HPSE2: variants seen among roughly 807,000 people sequenced by gnomAD.
The protein encoded by HPSE2 is heparanase 2 (inactive).
A neutral mutation model predicts 60.5 loss-of-function variants in HPSE2; 38 were observed. That is an observed-to-expected ratio of 0.63 (90% CI 0.48 to 0.82). The LOEUF (loss-of-function observed/expected upper bound fraction) is 0.82. HPSE2 is among the 40% of genes least tolerant of loss of function. HPSE2 has a pLI of 0.00. For missense variants in HPSE2, 713 were observed against 740.4 expected, an observed-to-expected ratio of 0.96 and a Z score of 0.43; for synonymous variants, 295 against 293.2, an observed-to-expected ratio of 1.01 and a Z score of -0.06.
At chr10:99,313,474 G>A in the HPSE2 span, among the ~76,000 whole-genome samples, 1 of 151,452 alleles carries the variant, frequency 6.6e-6, no homozygotes, top group African/African-American at 2.4e-5. Flanking sequence ...TATTTCTTGA[G>A]ATGAAATCTA....
At chr10:99,069,434 T>C (rs1342576) in intron 3 of HPSE2, among the ~76,000 whole-genome samples, 74,561 of 151,790 alleles carry the variant, frequency 0.49, 20,772 homozygotes, top group East Asian at 0.65. Context: ...AATTACTGTA[T>C]AGATTTTGGA....
intron 3 of HPSE2, among the ~76,000 whole-genome samples, chr10:98,984,584 C>T (rs938109760): frequency 3.3e-5 from 5 of 152,130 alleles, no homozygotes; most frequent in African/African-American, 1.2e-4. Flanking sequence ...AATCAGAGTG[C>T]CTCTCCTCCT....
intron 4 of HPSE2, among the ~76,000 whole-genome samples, chr10:98,726,039 A>G (rs542735335): frequency 3.4e-4 from 51 of 152,194 alleles, no homozygotes; most frequent in Non-Finnish European, 5.3e-4. Flanking sequence ...CATTGGTGGG[A>G]CTGTAAACTA....
At chr10:98,858,900 A>G (rs763459570) in intron 3 of HPSE2, among the ~76,000 whole-genome samples, 1 of 152,176 alleles carries the variant, frequency 6.6e-6, no homozygotes, top group Non-Finnish European at 1.5e-5. Context: ...TCCACATGCT[A>G]ACTCCAGCCT....
chr10:99,118,571 T>G (rs1844807456), intron 3 of HPSE2, among the ~76,000 whole-genome samples: 1 of 148,476 alleles, frequency 6.7e-6, no homozygotes, highest in Non-Finnish European at 1.5e-5. Context: ...GAGCCATCTA[T>G]GACAAACCCA....
chr10:98,688,555 A>T (rs12360135), intron 6 of HPSE2, among the ~76,000 whole-genome samples: 78,179 of 144,424 alleles, frequency 0.54, 22,454 homozygotes, highest in South Asian at 0.78. Context: ...GGCTAACTGC[A>T]ACCTCCGCCT....
chr10:98,923,018 G>C (rs1487419470), intron 3 of HPSE2, among the ~76,000 whole-genome samples: 1 of 152,102 alleles, frequency 6.6e-6, no homozygotes, highest in African/African-American at 2.4e-5. Flanking sequence ...ATGATATCTT[G>C]TTGCTCAATA....
chr10:98,752,746 T>A (rs1209840774), intron 3 of HPSE2, among the ~76,000 whole-genome samples: 1 of 152,146 alleles, frequency 6.6e-6, no homozygotes. Context: ...CACTCCCATG[T>A]TTATCACAGC....
the HPSE2 span, among the ~76,000 whole-genome samples, chr10:99,256,729 G>A: frequency 6.6e-6 from 1 of 152,302 alleles, no homozygotes; most frequent in Non-Finnish European, 1.5e-5. Context: ...CTACTAAGAA[G>A]CTACTAGAAC....
intron 2 of HPSE2, among the ~76,000 whole-genome samples, chr10:99,191,113 T>C (rs1232133286): frequency 6.6e-6 from 1 of 151,954 alleles, no homozygotes; most frequent in African/African-American, 2.4e-5. Flanking sequence ...AGCAGTGGAA[T>C]AGAGTACCAA....
chr10:99,005,649 A>C (rs1417607616), intron 3 of HPSE2, among the ~76,000 whole-genome samples: 1 of 152,112 alleles, frequency 6.6e-6, no homozygotes, highest in Non-Finnish European at 1.5e-5. Context: ...GGCAGTTCAT[A>C]ATCTCTATTT....
intron 3 of HPSE2, among the ~76,000 whole-genome samples, chr10:99,038,772 T>C (rs1957668222): frequency 1.3e-5 from 2 of 152,154 alleles, no homozygotes; most frequent in South Asian, 4.1e-4. Context: ...TCTATTATCT[T>C]TGCAACTTCC....
chr10:99,305,953 T>TCGCG, the HPSE2 span, among the ~76,000 whole-genome samples: 538 of 24,630 alleles, frequency 0.022, 2 homozygotes, highest in African/African-American at 0.074. Context: ...ATATCCAAAC[T>TCGCG]CACACACACG....
chr10:99,004,065 T>C (rs1365543842), intron 3 of HPSE2, among the ~76,000 whole-genome samples: 1 of 152,096 alleles, frequency 6.6e-6, no homozygotes, highest in African/African-American at 2.4e-5. Flanking sequence ...ACCCTGCTCT[T>C]TTCCATTTGT....
At chr10:99,028,922 G>C (rs1232467584) in intron 3 of HPSE2, among the ~76,000 whole-genome samples, 1 of 152,180 alleles carries the variant, frequency 6.6e-6, no homozygotes, top group Non-Finnish European at 1.5e-5. Flanking sequence ...TGAGAAAAGT[G>C]AATGTCCATA....
chr10:99,223,136 C>T (rs1389133214), intron 2 of HPSE2, among the ~76,000 whole-genome samples: 1 of 152,070 alleles, frequency 6.6e-6, no homozygotes, highest in Non-Finnish European at 1.5e-5. Flanking sequence ...ATCACTGAGT[C>T]TCTGTGGCAC....
intron 9 of HPSE2, among the ~76,000 whole-genome samples, chr10:98,523,194 T>C (rs1049261406): frequency 6.6e-6 from 1 of 152,224 alleles, no homozygotes; most frequent in African/African-American, 2.4e-5. Context: ...AGGAACACTT[T>C]GGGGCTGGTA....
intron 4 of HPSE2, among the ~76,000 whole-genome samples, chr10:98,736,070 C>T (rs1228018002): frequency 2.6e-5 from 4 of 152,116 alleles, no homozygotes; most frequent in Non-Finnish European, 5.9e-5. Flanking sequence ...TTAATTGTAG[C>T]TTCCATAATT....
chr10:98,754,638 T>G (rs954407122), intron 3 of HPSE2, among the ~76,000 whole-genome samples: 5 of 150,998 alleles, frequency 3.3e-5, no homozygotes, highest in African/African-American at 1.2e-4. Context: ...GAGGGAACTT[T>G]ATCAGGCAAA....
Sources: allele counts gnomAD v4.1 joint callset (sites outside exome capture counted in the v4.1 genomes callset), GRCh38; gene constraint gnomAD v4.1.1; transcripts MANE v1.5; gene names NCBI Gene and HGNC (gene_info 2026-07-23, HGNC 2026-07-21).